CFAP299: variants seen among roughly 807,000 people sequenced by gnomAD.
The protein encoded by CFAP299 is cilia and flagella associated protein 299.
In CFAP299, 21 loss-of-function variants were observed where a neutral mutation model predicts 27.0. The observed-to-expected ratio is 0.78, with a 90% CI of 0.55 to 1.12. CFAP299 has a LOEUF of 1.12. CFAP299 is among the 50% of genes most tolerant of loss of function. CFAP299 has a pLI of 0.00. For synonymous variants in CFAP299, 104 were observed against 98.1 expected, an observed-to-expected ratio of 1.06 and a Z score of -0.36; for missense variants, 310 against 276.6, an observed-to-expected ratio of 1.12 and a Z score of -0.86.
At chr4:80,955,431 C>A (rs1217641704) in intron 5 of CFAP299, among the ~76,000 whole-genome samples, 2 of 152,150 alleles carry the variant, frequency 1.3e-5, no homozygotes, top group Non-Finnish European at 2.9e-5. Flanking sequence ...AAATGCCTGC[C>A]ACAGAGTAGG....
Position 80,519,018 on chromosome 4 carries a change from C to T in CFAP299, c.243-64075C>T, listed in dbSNP as rs556676326. On this transcript the variant is annotated intron_variant, in intron 2 of 5. Coordinates refer to ENST00000358105, the MANE Select transcript of CFAP299 (RefSeq NM_152770.3). The stretch of plus-strand genomic sequence containing the variant: ...TGGGCTGGAGTACTAGATCATAAGG[C>T]TTGACTGTAGAAGAGTCAAAAATTT... Among the ~76,000 whole-genome samples the T allele has an allele frequency of 5.3e-5, 8 of 151,220 alleles. No homozygotes were observed. The East Asian group carries it at 1.6e-3, about 31-fold the overall frequency.
chr4:80,627,731 A>G (rs897966795), intron 3 of CFAP299, among the ~76,000 whole-genome samples: 2 of 151,962 alleles, frequency 1.3e-5, no homozygotes, highest in African/African-American at 4.8e-5. Flanking sequence ...AGAGAACCAT[A>G]CCATTTACAA....
intron 3 of CFAP299, among the ~76,000 whole-genome samples, chr4:80,700,800 G>A (rs1056637752): frequency 6.6e-6 from 1 of 151,890 alleles, no homozygotes; most frequent in African/African-American, 2.4e-5. Flanking sequence ...AAATAAAATG[G>A]GATAGATTTA....
intron 3 of CFAP299, among the ~76,000 whole-genome samples, chr4:80,761,358 A>G (rs533230131): frequency 2.6e-5 from 4 of 152,160 alleles, no homozygotes; most frequent in Non-Finnish European, 4.4e-5. Flanking sequence ...AAAGAGAAAT[A>G]TAGGAAGACT....
chr4:80,607,796 C>T lies in CFAP299; in HGVS notation c.333+24613C>T, dbSNP rs533652987. Among the ~76,000 whole-genome samples, 41 of 152,206 alleles carry T rather than the reference C, an allele frequency of 2.7e-4. No homozygotes were observed. The South Asian group carries it at 8.5e-3, about 32-fold the overall frequency. On this transcript the variant is annotated intron_variant, in intron 3 of 5. Coordinates refer to ENST00000358105, the MANE Select transcript of CFAP299 (RefSeq NM_152770.3). The stretch of plus-strand genomic sequence containing the variant: ...GGCTTGTATTATAATTTAAGTTGTG[C>T]AAGGAGAACTGGGAAATGTGTCACT...
rs750970496 is a variant in CFAP299 at position 80,497,765 on chromosome 4, A to C, written c.243-85328A>C. The stretch of plus-strand genomic sequence containing the variant: ...GAATATTAGAAAAAACTATACTAAA[A>C]GTCACATGGAACTGAAAAAGACACT... On this transcript the variant is annotated intron_variant, in intron 2 of 5. Transcript: ENST00000358105. Among the ~76,000 whole-genome samples the C allele has an allele frequency of 6.7e-4, 102 of 152,172 alleles. 1 individual carries two copies. Among genetic ancestry groups the C allele is most frequent in the South Asian group, 2.1e-4 (1 of 4,832 alleles).
At chr4:80,438,674 A>G (rs966831799) in intron 2 of CFAP299, among the ~76,000 whole-genome samples, 1 of 152,184 alleles carries the variant, frequency 6.6e-6, no homozygotes, top group Non-Finnish European at 1.5e-5. Context: ...TACAACTTTT[A>G]TTCTTAGAAA....
chr4:80,646,485 G>A (rs1026826233), intron 3 of CFAP299, among the ~76,000 whole-genome samples: 17 of 152,146 alleles, frequency 1.1e-4, no homozygotes, highest in Middle Eastern at 3.2e-3. Flanking sequence ...AATTCTAATA[G>A]AAGCTTTATT....
intron 3 of CFAP299, among the ~76,000 whole-genome samples, chr4:80,744,050 A>G (rs1206926371): frequency 6.6e-6 from 1 of 152,184 alleles, no homozygotes; most frequent in African/African-American, 2.4e-5. Context: ...TATAGATTAG[A>G]TTATTTCATT....
chr4:80,548,386 A>T (rs1370299758), intron 2 of CFAP299, among the ~76,000 whole-genome samples: 2 of 152,110 alleles, frequency 1.3e-5, no homozygotes, highest in African/African-American at 4.8e-5. Context: ...GGACAGCTTG[A>T]GGTAGGAGGA....
At chr4:80,478,636 C>T (rs1183916885) in intron 2 of CFAP299, among the ~76,000 whole-genome samples, 2 of 152,078 alleles carry the variant, frequency 1.3e-5, no homozygotes, top group African/African-American at 2.4e-5. Flanking sequence ...CCAGTGAAAC[C>T]ATTTTGCTTC....
intron 2 of CFAP299, among the ~76,000 whole-genome samples, chr4:80,439,021 T>A (rs1728224145): frequency 6.6e-6 from 1 of 152,242 alleles, no homozygotes; most frequent in African/African-American, 2.4e-5. Context: ...ATAAATTTTG[T>A]GATTTACTAG....
rs138780429 is a variant in CFAP299, at chr4:80,921,348, G to A, written c.477-23462G>A. 1.5e-4 allele frequency among the ~76,000 whole-genome samples: 23 copies of A among 152,144 alleles called. 1 individual carries two copies. The highest frequency in any genetic ancestry group is 5.5e-4 in the African/African-American group (23 of 41,516). ...GTTCAGTGTGTTTTTCAAGTACAGA[G>A]GAGAACATAGAAGGAATTAGTGTGG... On this transcript the variant is annotated intron_variant, in intron 4 of 5. Coordinates refer to ENST00000358105, the MANE Select transcript of CFAP299 (RefSeq NM_152770.3).
chr4:80,645,797 T>C (rs1352041302), intron 3 of CFAP299, among the ~76,000 whole-genome samples: 1 of 152,180 alleles, frequency 6.6e-6, no homozygotes, highest in Non-Finnish European at 1.5e-5. Context: ...TTCTCTTACA[T>C]AGCATATTTT....
chr4:80,855,012 G>A (rs1296514327), intron 3 of CFAP299, among the ~76,000 whole-genome samples: 1 of 151,920 alleles, frequency 6.6e-6, no homozygotes, highest in Non-Finnish European at 1.5e-5. Context: ...ACTAAAATAC[G>A]ATGGTTTAAT....
chr4:80,427,728 C>T (rs1440719787), intron 2 of CFAP299, among the ~76,000 whole-genome samples: 1 of 152,132 alleles, frequency 6.6e-6, no homozygotes, highest in East Asian at 1.9e-4. Flanking sequence ...TAAACAGCAA[C>T]TTAAGTGTTG....
rs184182204 is a variant in CFAP299 at position 80,854,863 on chromosome 4, G to T, written c.334-15130G>T. On this transcript the variant is annotated intron_variant, in intron 3 of 5. Coordinates refer to ENST00000358105, the MANE Select transcript of CFAP299 (RefSeq NM_152770.3). ...CAGAAAAGGAAAATTGGGTTGAAACGGTATCAGAATTTTCTAAACTAGATA... is the reference window on the plus strand; with the variant it reads ...CAGAAAAGGAAAATTGGGTTGAAACTGTATCAGAATTTTCTAAACTAGATA... 3.8e-3 allele frequency among the ~76,000 whole-genome samples: 548 copies of T among 143,570 alleles called. 4 individuals are homozygous for T. Among genetic ancestry groups the T allele is most frequent in the Middle Eastern group, 0.012 (3 of 260 alleles). 94.2% of individuals were successfully genotyped at this position (143,570 alleles called of 152,430 possible).
At chr4:80,843,276 T>A (rs904251917) in intron 3 of CFAP299, among the ~76,000 whole-genome samples, 1 of 152,002 alleles carries the variant, frequency 6.6e-6, no homozygotes, top group African/African-American at 2.4e-5. Context: ...TTCCTCTTCC[T>A]GTGTCCAAGT....
intron 2 of CFAP299, among the ~76,000 whole-genome samples, chr4:80,493,895 C>T (rs896866609): frequency 6.6e-6 from 1 of 150,394 alleles, no homozygotes; most frequent in Non-Finnish European, 1.5e-5. Flanking sequence ...CCTGCCTCAG[C>T]CTCCCGAGTA....
Sources: allele counts gnomAD v4.1 joint callset (sites outside exome capture counted in the v4.1 genomes callset), GRCh38; gene constraint gnomAD v4.1.1; transcripts MANE v1.5; gene names NCBI Gene and HGNC (gene_info 2026-07-23, HGNC 2026-07-21).